RFTN2: variants seen among roughly 807,000 people sequenced by gnomAD.
RFTN2 encodes raftlin family member 2.
Under a neutral mutation model 52.7 loss-of-function variants are expected in RFTN2, and 34 were observed. The ratio of observed to expected loss-of-function variants is 0.64; its 90% confidence interval spans 0.49 to 0.86. RFTN2 has a LOEUF of 0.86. RFTN2 is among the 40% of genes least tolerant of loss of function. The pLI is 0.00. For synonymous variants in RFTN2, 203 were observed against 217.7 expected (o/e 0.93, Z 0.59); for missense variants, 536 against 600.1 (o/e 0.89, Z 1.12).
At chr2:197,602,913 GTT>G (rs1204384712) in intron 7 of RFTN2, among the ~76,000 whole-genome samples, 2 of 152,212 alleles carry the variant, frequency 1.3e-5, no homozygotes, top group African/African-American at 2.4e-5. Context: ...ATGAGTTCAT[GTT>G]CTTTGTAGGG....
chr2:197,625,699 C>CTCTCCTCTCT (rs1553602633), intron 5 of RFTN2, among the ~76,000 whole-genome samples: 1,838 of 103,130 alleles, frequency 0.018, 130 homozygotes, highest in African/African-American at 0.053. Context: ...CTCTCCTCTC[C>CTCTCCTCTCT]TCTCCTCTCC....
At chr2:197,583,837 C>G (rs976748628) in intron 8 of RFTN2, among the ~76,000 whole-genome samples, 1 of 152,004 alleles carries the variant, frequency 6.6e-6, no homozygotes, top group East Asian at 1.9e-4. Flanking sequence ...TCCAAGTGTT[C>G]TCATTGTTCA....
chr2:197,629,401 C>A (rs146791324), intron 5 of RFTN2, among the ~76,000 whole-genome samples: 1 of 152,030 alleles, frequency 6.6e-6, no homozygotes, highest in African/African-American at 2.4e-5. Context: ...ACAATGAGAA[C>A]ACTTGGACAC....
intron 1 of RFTN2, among the ~76,000 whole-genome samples, chr2:197,650,605 G>A (rs993356117): frequency 3.3e-5 from 5 of 152,052 alleles, no homozygotes; most frequent in African/African-American, 1.2e-4. Context: ...GTTCATCCAC[G>A]CTGTAGCATG....
At chr2:197,645,623 T>TA (rs749172140) in intron 2 of RFTN2, among the ~76,000 whole-genome samples, 1 of 152,192 alleles carries the variant, frequency 6.6e-6, no homozygotes, top group South Asian at 2.1e-4. Flanking sequence ...GCTATTAAAA[T>TA]AAAAAACACT....
chr2:197,594,077 G>A (rs1460123682), intron 8 of RFTN2, among the ~76,000 whole-genome samples: 3 of 142,692 alleles, frequency 2.1e-5, no homozygotes, highest in Non-Finnish European at 3.0e-5. Context: ...GTGCAGTGGT[G>A]CGATCTTGGC....
chr2:197,633,584 TGA>T, intron 4 of RFTN2, 132 bp downstream of exon 4: 1 of 712,750 alleles, frequency 1.4e-6, no homozygotes, highest in East Asian at 2.7e-5. Flanking sequence ...TTAAAAATCA[TGA>T]GGTTTTTATT....
At chr2:197,588,106 T>C in intron 8 of RFTN2, 1 of 433,514 alleles carries the variant, frequency 2.3e-6, no homozygotes, top group South Asian at 1.7e-5. Context: ...ATAACACACA[T>C]TTAATATAGA....
At chr2:197,665,734 G>A (rs1278008140) in intron 1 of RFTN2, among the ~76,000 whole-genome samples, 1 of 151,790 alleles carries the variant, frequency 6.6e-6, no homozygotes, top group Non-Finnish European at 1.5e-5. Context: ...CAGTATATAT[G>A]TTTTAAGTGG....
chr2:197,644,545 G>A (rs2088721087), intron 2 of RFTN2, among the ~76,000 whole-genome samples: 1 of 152,094 alleles, frequency 6.6e-6, no homozygotes, highest in African/African-American at 2.4e-5. Context: ...AAACTTATAA[G>A]AAATAATTTT....
intron 1 of RFTN2, among the ~76,000 whole-genome samples, chr2:197,652,528 TAA>T (rs2088839625): frequency 1.3e-5 from 2 of 152,186 alleles, no homozygotes; most frequent in Non-Finnish European, 1.5e-5. Flanking sequence ...CTTATGTATG[TAA>T]GAGAGATATA....
intron 5 of RFTN2, among the ~76,000 whole-genome samples, chr2:197,619,860 C>G (rs2088231102): frequency 1.3e-5 from 2 of 149,230 alleles, no homozygotes; most frequent in African/African-American, 4.9e-5. Flanking sequence ...CCCCAAAGAG[C>G]AACACTTTTT....
At chr2:197,645,719 T>C (rs1290433538) in intron 2 of RFTN2, among the ~76,000 whole-genome samples, 1 of 152,206 alleles carries the variant, frequency 6.6e-6, no homozygotes, top group Non-Finnish European at 1.5e-5. Context: ...AGTAGGTCTT[T>C]CTGTCGTTAA....
intron 7 of RFTN2, among the ~76,000 whole-genome samples, chr2:197,611,719 G>T (rs1559348646): frequency 6.6e-6 from 1 of 152,128 alleles, no homozygotes; most frequent in African/African-American, 2.4e-5. Flanking sequence ...GCCAATTTTA[G>T]ATCATTCCTG....
intron 5 of RFTN2, among the ~76,000 whole-genome samples, chr2:197,621,492 T>C (rs2088265209): frequency 6.7e-6 from 1 of 148,640 alleles, no homozygotes; most frequent in Non-Finnish European, 1.5e-5. Flanking sequence ...GTGTACTCAC[T>C]TCATGTGTTG....
intron 5 of RFTN2, among the ~76,000 whole-genome samples, chr2:197,626,860 C>T (rs578197207): frequency 5.9e-5 from 9 of 151,980 alleles, no homozygotes; most frequent in Non-Finnish European, 1.2e-4. Flanking sequence ...CCTCGTAATC[C>T]GCCCACCCCA....
intron 8 of RFTN2, among the ~76,000 whole-genome samples, chr2:197,579,899 C>G (rs11899920): frequency 0.44 from 67,505 of 151,870 alleles, 15,428 homozygotes; most frequent in South Asian, 0.58. Context: ...TTTTGTTCCA[C>G]GACTAGCTCT....
chr2:197,618,069 C>CCT (rs1453596768), intron 5 of RFTN2, 148 bp from the exon 6 acceptor site: 9 of 376,082 alleles, frequency 2.4e-5, no homozygotes, highest in Non-Finnish European at 3.8e-5. Context: ...TCCCCCTCTC[C>CCT]CTCTCCCTCT....
At chr2:197,674,442 G>A (rs1368259088) in intron 1 of RFTN2, among the ~76,000 whole-genome samples, 3 of 147,316 alleles carry the variant, frequency 2.0e-5, no homozygotes, top group Non-Finnish European at 4.5e-5. Context: ...TAAACTTTTT[G>A]TGAATTGATA....
Sources: allele counts gnomAD v4.1 joint callset (sites outside exome capture counted in the v4.1 genomes callset), GRCh38; gene constraint gnomAD v4.1.1; transcripts MANE v1.5; gene names NCBI Gene and HGNC (gene_info 2026-07-23, HGNC 2026-07-21).